Variants in RBFOX1 observed in about 807,000 individuals in gnomAD.
The protein encoded by RBFOX1 is RNA binding fox-1 homolog 1.
RBFOX1 carries 8 observed loss-of-function variants against 57.7 expected under a neutral mutation model. That is an observed-to-expected ratio of 0.14 (90% CI 0.08 to 0.25). RBFOX1 has a LOEUF of 0.25. Ranked by LOEUF, RBFOX1 falls within the 10% of genes least tolerant of loss-of-function variation. The pLI is 1.00. For missense variants in RBFOX1, 611 were observed against 548.5 expected, an observed-to-expected ratio of 1.11 and a Z score of -1.14; for synonymous variants, 326 against 222.4, an observed-to-expected ratio of 1.47 and a Z score of -4.15.
At position 5,845,799 on chromosome 16, in the gene RBFOX1, C is replaced by T. The variant is rs79488967; in HGVS notation, c.319-21504C>T. ...CACAGATAGAGCCCACTTTCAGCAT[C>T]GCAGAGAGGTCCCTCAGACAGCAGT... On this transcript the variant is annotated intron_variant, in intron 3 of 19. Coordinates refer to the RBFOX1 transcript ENST00000641259. Among the ~76,000 whole-genome samples, 455 of 152,266 alleles carry T rather than the reference C, an allele frequency of 3.0e-3. 2 individuals are homozygous for T. Among genetic ancestry groups the T allele is most frequent in the African/African-American group, 0.01 (428 of 41,552 alleles).
At chr16:7,629,991 C>T (rs1175524893) in intron 10 of RBFOX1, among the ~76,000 whole-genome samples, 1 of 152,200 alleles carries the variant, frequency 6.6e-6, no homozygotes, top group Non-Finnish European at 1.5e-5. Flanking sequence ...CTCCGCCTTA[C>T]TTCTGTTCTT....
At chr16:5,884,217 A>G (rs2057838382) in intron 4 of RBFOX1, among the ~76,000 whole-genome samples, 1 of 152,224 alleles carries the variant, frequency 6.6e-6, no homozygotes, top group African/African-American at 2.4e-5. Flanking sequence ...CTCAGATGAT[A>G]ACTCCCCCAT....
chr16:5,810,189 G>A (rs906416522), intron 3 of RBFOX1, among the ~76,000 whole-genome samples: 6 of 140,164 alleles, frequency 4.3e-5, no homozygotes, highest in Admixed American at 7.2e-5. Flanking sequence ...GTTGGGGGAG[G>A]AGGGAGGGAT....
intron 3 of RBFOX1, among the ~76,000 whole-genome samples, chr16:5,776,039 C>G (rs1029652825): frequency 1.4e-5 from 2 of 147,968 alleles, no homozygotes; most frequent in East Asian, 1.9e-4. Context: ...CCCAATGAAT[C>G]TTAATAAAAA....
At chr16:7,103,278 T>C (rs1458963183) in intron 4 of RBFOX1, among the ~76,000 whole-genome samples, 5 of 152,146 alleles carry the variant, frequency 3.3e-5, no homozygotes, top group African/African-American at 4.8e-5. Context: ...TGTTTTGAGT[T>C]TATGACGTGT....
intron 4 of RBFOX1, among the ~76,000 whole-genome samples, chr16:7,410,715 C>A (rs1000441088): frequency 2.6e-5 from 4 of 152,006 alleles, no homozygotes; most frequent in African/African-American, 9.7e-5. Flanking sequence ...AAACTGAGGT[C>A]TCTTCTGTTA....
intron 3 of RBFOX1, among the ~76,000 whole-genome samples, chr16:6,734,480 A>C (rs1389032397): frequency 6.6e-6 from 1 of 152,200 alleles, no homozygotes; most frequent in African/African-American, 2.4e-5. Context: ...GCCTCATTAC[A>C]GATGAGGACA....
intron 3 of RBFOX1, among the ~76,000 whole-genome samples, chr16:6,697,520 C>T (rs922393360): frequency 6.6e-6 from 1 of 152,166 alleles, no homozygotes; most frequent in Admixed American, 6.5e-5. Context: ...CCTTATAAAT[C>T]TGCTTTCCAT....
At chr16:7,145,838 C>A (rs2074852490) in intron 4 of RBFOX1, among the ~76,000 whole-genome samples, 1 of 152,150 alleles carries the variant, frequency 6.6e-6, no homozygotes, top group South Asian at 2.1e-4. Flanking sequence ...CTCCATGGCT[C>A]CTCCATATGG....
chr16:6,234,606 G>A (rs985816028), intron 1 of RBFOX1, among the ~76,000 whole-genome samples: 5 of 152,128 alleles, frequency 3.3e-5, no homozygotes, highest in African/African-American at 4.8e-5. Flanking sequence ...TTAATGTTCT[G>A]GAGAATAATG....
At chr16:6,503,594 G>T (rs1202493462) in intron 2 of RBFOX1, among the ~76,000 whole-genome samples, 1 of 152,122 alleles carries the variant, frequency 6.6e-6, no homozygotes, top group African/African-American at 2.4e-5. Flanking sequence ...CTTATTTGTG[G>T]CCTTTTCGGC....
At chr16:7,490,841 C>T (rs143257993) in intron 4 of RBFOX1, among the ~76,000 whole-genome samples, 16 of 152,290 alleles carry the variant, frequency 1.1e-4, no homozygotes, top group African/African-American at 3.8e-4. Context: ...AGAAACAGCA[C>T]CTGCTGTTAC....
rs55723441 is a variant in RBFOX1, at chr16:6,122,770, G to T, written c.-127+102778G>T. On this transcript the variant is annotated intron_variant, in intron 1 of 15. Transcript: ENST00000550418. ...CCTTTGTCATCCATTCTGCTGGGTT[G>T]CGGAATATGATCTGTGTGGCTATGT... 1.9e-3 allele frequency among the ~76,000 whole-genome samples: 281 copies of T among 150,660 alleles called. 3 individuals carry two copies. The highest frequency in any genetic ancestry group is 6.1e-3 in the African/African-American group (250 of 40,994).
intron 3 of RBFOX1, among the ~76,000 whole-genome samples, chr16:5,711,611 G>C (rs1384287325): frequency 6.6e-6 from 1 of 152,166 alleles, no homozygotes; most frequent in African/African-American, 2.4e-5. Context: ...AGATGTCCTG[G>C]GCAGCTTTGG....
chr16:7,429,588 C>G (rs189062123), intron 4 of RBFOX1, among the ~76,000 whole-genome samples: 161 of 152,264 alleles, frequency 1.1e-3, no homozygotes, highest in African/African-American at 3.6e-3. Flanking sequence ...AGCCTAGAAT[C>G]TAGAGGAGGT....
chr16:7,305,993 A>G (rs1303955162), intron 4 of RBFOX1, among the ~76,000 whole-genome samples: 2 of 152,158 alleles, frequency 1.3e-5, no homozygotes, highest in African/African-American at 4.8e-5. Flanking sequence ...TCTAATGAGC[A>G]TTTCTATAGA....
At chr16:7,212,038 A>C (rs2091244021) in intron 4 of RBFOX1, among the ~76,000 whole-genome samples, 1 of 152,006 alleles carries the variant, frequency 6.6e-6, no homozygotes, top group Non-Finnish European at 1.5e-5. Flanking sequence ...TTTCTGGAAA[A>C]GTGGGGCCAA....
chr16:5,436,229 T>G (rs2067914353), intron 1 of RBFOX1, among the ~76,000 whole-genome samples: 1 of 152,172 alleles, frequency 6.6e-6, no homozygotes, highest in South Asian at 2.1e-4. Flanking sequence ...GGCTCGTGAC[T>G]CAGACTTACC....
intron 4 of RBFOX1, among the ~76,000 whole-genome samples, chr16:7,108,265 A>G (rs1203590379): frequency 2.0e-5 from 3 of 152,182 alleles, no homozygotes; most frequent in African/African-American, 4.8e-5. Context: ...GGGAACTGGT[A>G]TTCAGGGAGC....
Sources: gnomAD v4.1 joint callset for allele counts (sites outside exome capture counted in the v4.1 genomes callset) on GRCh38, gnomAD v4.1.1 for gene constraint, MANE v1.5 for transcripts, NCBI Gene and HGNC (gene_info 2026-07-23, HGNC 2026-07-21) for gene names.